The following ZNF469 variants were observed in gnomAD, a reference collection of about 807,000 sequenced individuals.
ZNF469 encodes the protein zinc finger protein 469.
ZNF469 carries 1 observed loss-of-function variant against 1.0 expected under a neutral mutation model. The ratio of observed to expected loss-of-function variants is 1.00; its 90% CI spans 0.35 to 4.73. ZNF469 has a LOEUF of 4.73. ZNF469 is among the 30% of genes most tolerant of loss of function. ZNF469 has a pLI of 0.16. For missense variants in ZNF469, 6,100 were observed against 5,356.3 expected (o/e 1.14, Z -4.33); for synonymous variants, 2,703 against 2,363.4 (o/e 1.14, Z -4.17).
At chr16:88,226,722 C>T in the ZNF469 span, among the ~76,000 whole-genome samples, 11 of 151,384 alleles carry the variant, frequency 7.3e-5, no homozygotes, top group East Asian at 3.9e-4. Context: ...CAGGAGGGCC[C>T]GAAACAGGCC....
chr16:88,113,142 G>A, the ZNF469 span, among the ~76,000 whole-genome samples: 1 of 152,194 alleles, frequency 6.6e-6, no homozygotes, highest in Non-Finnish European at 1.5e-5. Context: ...GGTTGCCTGT[G>A]CGTGGGGGCA....
chr16:88,241,386 A>G, the ZNF469 span, among the ~76,000 whole-genome samples: 1 of 150,594 alleles, frequency 6.6e-6, no homozygotes, highest in East Asian at 2.0e-4. This position sits in a 1 kb window ranked among gnomAD's most constrained non-coding sequence, Gnocchi z 4.8. Context: ...CTATTGTCAC[A>G]TGAAAAGTTT....
chr16:88,293,963 C>T, the ZNF469 span, among the ~76,000 whole-genome samples: 1 of 151,964 alleles, frequency 6.6e-6, no homozygotes, highest in Admixed American at 6.6e-5. Context: ...CACGAGACGG[C>T]CTTTACTCTG....
At chr16:88,162,155 G>C in the ZNF469 span, among the ~76,000 whole-genome samples, 1 of 152,142 alleles carries the variant, frequency 6.6e-6, no homozygotes, top group Non-Finnish European at 1.5e-5. Context: ...TGAGAGTTGA[G>C]AAAATCCTCC....
chr16:88,158,560 T>TG, the ZNF469 span, among the ~76,000 whole-genome samples: 2 of 152,114 alleles, frequency 1.3e-5, no homozygotes, highest in Non-Finnish European at 2.9e-5. Context: ...ATCTCTGCTG[T>TG]CCCGGCAGCC....
the ZNF469 span, among the ~76,000 whole-genome samples, chr16:88,111,888 G>T: frequency 6.6e-6 from 1 of 152,150 alleles, no homozygotes. Flanking sequence ...GCCTGCCTTG[G>T]CCTCCCAAAG....
upstream of ZNF469, among the ~76,000 whole-genome samples, chr16:88,380,719 TACAC>T (rs367800076): frequency 4.0e-4 from 35 of 88,426 alleles, no homozygotes; most frequent in Admixed American, 2.1e-3. Flanking sequence ...CATGCACTCA[TACAC>T]ACACAGACAT....
At chr16:88,383,880 G>C (rs983900098) in intron 1 of ZNF469, among the ~76,000 whole-genome samples, 1 of 152,172 alleles carries the variant, frequency 6.6e-6, no homozygotes, top group Non-Finnish European at 1.5e-5. Context: ...TTGCAGAGCC[G>C]GGAAGTTGGC....
the ZNF469 span, among the ~76,000 whole-genome samples, chr16:88,293,323 T>C: frequency 2.0e-5 from 3 of 148,020 alleles, no homozygotes; most frequent in Non-Finnish European, 4.5e-5. Flanking sequence ...ATTGGATGGA[T>C]GGATGGATGG....
the ZNF469 span, among the ~76,000 whole-genome samples, chr16:88,345,971 T>C: frequency 3.0e-4 from 46 of 152,178 alleles, no homozygotes; most frequent in African/African-American, 1.1e-3. Flanking sequence ...CAGAGGAAAA[T>C]GGCGCCATCT....
Position 88,436,365 on chromosome 16 carries a change from C to G in ZNF469, c.8895C>G (p.Pro2965=), listed in dbSNP as rs1597213250. The change falls in exon 3 of 3, where the codon CCC becomes CCG. Residue 2965 remains proline (P), a synonymous_variant. Coordinates refer to ENST00000565624, the MANE Select transcript of ZNF469 (RefSeq NM_001367624.2). The part of the protein sequence containing the change: ...APGLSLWALE[P]SREAGAEKLP... ...GCCTCAGCCTGTGGGCCCTGGAGCC[C>G]AGCAGGGAAGCTGGTGCAGAGAAGC... 6.5e-7 allele frequency: 1 copy of G among 1,550,152 alleles called. No individual in the cohort carries two copies. Among genetic ancestry groups the G allele is most frequent in the Non-Finnish European group, 8.7e-7 (1 of 1,146,880 alleles).
rs1407210357 is a variant in ZNF469, at chr16:88,432,288, C to G, written c.4818C>G (p.Pro1606=). Reference sequence around the variant, plus strand: ...AGCTCGGCACAGGCACAGAGCCACCCTCCCAACGGCGCACCTGCCAGGCCA... The same window carrying G: ...AGCTCGGCACAGGCACAGAGCCACCGTCCCAACGGCGCACCTGCCAGGCCA... ...RVELGTGTEP[P]SQRRTCQATV... The change falls in exon 3 of 3, where the codon CCC becomes CCG. Residue 1606 remains proline (P), a synonymous_variant. Coordinates refer to ENST00000565624, the MANE Select transcript of ZNF469 (RefSeq NM_001367624.2). The G allele has an allele frequency of 4.5e-6, 7 of 1,547,036 alleles. No individual in the cohort carries two copies. The highest frequency in any genetic ancestry group is 5.2e-6 in the Non-Finnish European group (6 of 1,146,982).
At chr16:88,339,912 T>G in the ZNF469 span, among the ~76,000 whole-genome samples, 2 of 145,396 alleles carry the variant, frequency 1.4e-5, no homozygotes, top group Admixed American at 6.6e-5. Context: ...CCCAGGTGCT[T>G]CACGGGGTGG....
At position 88,427,328 on chromosome 16, in the gene ZNF469, C is replaced by A; in HGVS notation, c.-126-17C>A. ...CCCAGCCCCTCTGCCCCACTCACCC[C>A]TGACCTTTCCTTCCAGGCTCCACTC... On this transcript the variant is annotated splice_polypyrimidine_tract_variant and intron_variant, in intron 2 of 2. Transcript: ENST00000565624. 2 of 923,734 alleles carry A rather than the reference C, an allele frequency of 2.2e-6. No homozygotes were observed. Among genetic ancestry groups the A allele is most frequent in the Non-Finnish European group, 3.1e-6 (2 of 645,618 alleles). The allele number at this position is 923,734 out of a possible 1,614,324, so 57.2% of individuals were successfully genotyped here.
rs74032864 is a variant in ZNF469, at chr16:88,428,613, C to G, written c.1143C>G (p.Pro381=). Residue 381 remains proline, a synonymous_variant, in exon 3 of 3, where the codon CCC becomes CCG. Coordinates refer to ENST00000565624, the MANE Select transcript of ZNF469 (RefSeq NM_001367624.2). ...SLHKSLTKIL[P]ERPPSAQDGL... ...ACAAGAGCCTGACCAAAATCCTTCC[C>G]GAAAGACCACCTTCAGCCCAGGATG... The G allele has an allele frequency of 1.3e-6, 2 of 1,550,116 alleles. No homozygotes were observed. Among genetic ancestry groups the G allele is most frequent in the Non-Finnish European group, 8.7e-7 (1 of 1,146,916 alleles).
At chr16:88,151,288 C>T in the ZNF469 span, among the ~76,000 whole-genome samples, 260 of 152,344 alleles carry the variant, frequency 1.7e-3, 1 homozygote, top group African/African-American at 4.9e-3. The surrounding 1 kb of genome is among the most constrained non-coding windows in gnomAD (Gnocchi z 5.4). Context: ...CACACGGGCG[C>T]GGGCCGTGGT....
At chr16:88,111,892 C>T in the ZNF469 span, among the ~76,000 whole-genome samples, 2 of 152,168 alleles carry the variant, frequency 1.3e-5, no homozygotes, top group African/African-American at 2.4e-5. Context: ...GCCTTGGCCT[C>T]CCAAAGTGCT....
intron 1 of ZNF469, among the ~76,000 whole-genome samples, chr16:88,390,473 C>T (rs1305283071): frequency 3.9e-5 from 6 of 152,176 alleles, no homozygotes; most frequent in South Asian, 2.1e-4. Context: ...AGGAGGCGGC[C>T]GCTCTGCCTG....
chr16:88,158,372 G>T, the ZNF469 span, among the ~76,000 whole-genome samples: 11 of 152,116 alleles, frequency 7.2e-5, no homozygotes, highest in Non-Finnish European at 1.2e-4. Context: ...GGGTGTCTGG[G>T]TTGCAGCCCC....
Sources: gnomAD v4.1 joint callset for allele counts (sites outside exome capture counted in the v4.1 genomes callset) on GRCh38, gnomAD v4.1.1 for gene constraint, Gnocchi (gnomAD v3.1) non-coding constraint, MANE v1.5 for transcripts, NCBI Gene and HGNC (gene_info 2026-07-23, HGNC 2026-07-21) for gene names.